Variants in PRDM1 observed in about 807,000 individuals in gnomAD.
PRDM1 encodes the protein PR domain zinc finger protein 1.
Under a neutral mutation model 62.8 loss-of-function variants are expected in PRDM1, and 13 were observed. The ratio of observed to expected loss-of-function variants is 0.21; its 90% CI spans 0.13 to 0.33. The LOEUF is 0.33. Ranked by LOEUF, PRDM1 falls within the 10% of genes least tolerant of loss-of-function variation. The pLI is 1.00. For missense variants in PRDM1, 895 were observed against 1,058.8 expected, an observed-to-expected ratio of 0.85 and a Z score of 2.15; for synonymous variants, 396 against 417.6, an observed-to-expected ratio of 0.95 and a Z score of 0.63.
chr6:106,004,692 G>A (rs1287753035), intron 1 of PRDM1, among the ~76,000 whole-genome samples: 1 of 151,940 alleles, frequency 6.6e-6, no homozygotes, highest in African/African-American at 2.4e-5. Flanking sequence ...TGGTGATAAC[G>A]GTATGTATGA....
chr6:106,105,832 G>A lies in PRDM1; in HGVS notation c.1672G>A (p.Gly558Ser), dbSNP rs753053806. The A allele has an allele frequency of 1.2e-6, 2 of 1,614,176 alleles. No homozygotes were observed. Among genetic ancestry groups the A allele is most frequent in the South Asian group, 1.1e-5 (1 of 91,086 alleles). Residue 558 changes from glycine to serine, a missense_variant, in exon 5 of 7, where the codon GGC becomes AGC. Coordinates refer to ENST00000369096, the MANE Select transcript of PRDM1 (RefSeq NM_001198.4). The stretch of plus-strand genomic sequence containing the variant: ...CATTAAAAACAAAAGAAACATGACC[G>A]GCTACAAGACCCTTCCCTACCCGCT... The part of the protein sequence containing the change: ...NLIKNKRNMT[G>S]YKTLPYPLKK...
chr6:106,077,768 T>G (rs1773626856), intron 1 of PRDM1, among the ~76,000 whole-genome samples: 1 of 152,266 alleles, frequency 6.6e-6, no homozygotes. Flanking sequence ...AAACCTTTTC[T>G]TTGTCTGGCA....
chr6:106,005,855 T>C (rs912806196), intron 1 of PRDM1, among the ~76,000 whole-genome samples: 9 of 152,190 alleles, frequency 5.9e-5, no homozygotes, highest in Non-Finnish European at 8.8e-5. Context: ...ATTTTAGTGT[T>C]AGAAATGAGA....
intron 1 of PRDM1, among the ~76,000 whole-genome samples, chr6:106,066,392 G>A (rs1773434246): frequency 6.6e-6 from 1 of 152,130 alleles, no homozygotes; most frequent in Non-Finnish European, 1.5e-5. Context: ...CCTCAAAGAC[G>A]ATTATCAGAT....
chr6:106,068,612 A>G (rs934168446), intron 1 of PRDM1, among the ~76,000 whole-genome samples: 21 of 152,194 alleles, frequency 1.4e-4, no homozygotes, highest in African/African-American at 5.1e-4. Flanking sequence ...ATCCACAGTC[A>G]TACATGGGAA....
intron 1 of PRDM1, among the ~76,000 whole-genome samples, chr6:106,079,198 C>T (rs895839332): frequency 6.6e-6 from 1 of 152,008 alleles, no homozygotes; most frequent in Admixed American, 6.5e-5. Context: ...CTCCTGACTT[C>T]AGGTGATCCA....
In PRDM1 at chr6:106,100,034, G is replaced by A. The variant is rs77813700; in HGVS notation, c.664+482G>A. On this transcript the variant is annotated intron_variant, in intron 4 of 6. Coordinates refer to ENST00000369096, the MANE Select transcript of PRDM1 (RefSeq NM_001198.4). Reference sequence around the variant, plus strand: ...TCATAATTTTTCAATATTATTCTAAGTGAATAACCGTAAAGATTTTACATC... The same window carrying A: ...TCATAATTTTTCAATATTATTCTAAATGAATAACCGTAAAGATTTTACATC... 1,449 of 154,664 alleles carry A rather than the reference G, an allele frequency of 9.4e-3. 18 individuals are homozygous for A. The highest frequency in any genetic ancestry group is 0.03 in the African/African-American group (1,251 of 41,568). 9.6% of individuals were successfully genotyped at this position (154,664 alleles called of 1,614,324 possible).
intron 1 of PRDM1, among the ~76,000 whole-genome samples, chr6:106,031,875 A>G (rs966298432): frequency 3.9e-5 from 6 of 152,026 alleles, no homozygotes; most frequent in Non-Finnish European, 8.8e-5. Flanking sequence ...TGAGAGTCTG[A>G]TCTTCTGATT....
intron 1 of PRDM1, among the ~76,000 whole-genome samples, chr6:106,039,158 G>T (rs1772960137): frequency 6.6e-6 from 1 of 152,118 alleles, no homozygotes; most frequent in Admixed American, 6.5e-5. Flanking sequence ...AACTTAGAAA[G>T]TTCAGAAACA....
intron 1 of PRDM1, among the ~76,000 whole-genome samples, chr6:106,008,975 A>G (rs1272242866): frequency 6.6e-6 from 1 of 152,180 alleles, no homozygotes; most frequent in African/African-American, 2.4e-5. Context: ...GGCCAGGTCC[A>G]TGGCCAGGCA....
chr6:106,000,924 A>G (rs1007747770), intron 1 of PRDM1, among the ~76,000 whole-genome samples: 2 of 152,228 alleles, frequency 1.3e-5, no homozygotes, highest in Non-Finnish European at 2.9e-5. Context: ...GTCACAGGAT[A>G]TGAATATTAT....
intron 1 of PRDM1, among the ~76,000 whole-genome samples, chr6:106,024,466 A>G (rs1772740381): frequency 6.6e-6 from 1 of 152,238 alleles, no homozygotes; most frequent in African/African-American, 2.4e-5. Flanking sequence ...GGTAACGATG[A>G]CAGATTGCAG....
chr6:106,103,865 G>A (rs1460454441), intron 4 of PRDM1, among the ~76,000 whole-genome samples: 2 of 152,172 alleles, frequency 1.3e-5, no homozygotes, highest in African/African-American at 2.4e-5. Context: ...TGACTGTCAC[G>A]CCTTGTGACT....
At chr6:106,058,920 G>T (rs1440537634) in intron 1 of PRDM1, among the ~76,000 whole-genome samples, 1 of 152,172 alleles carries the variant, frequency 6.6e-6, no homozygotes, top group African/African-American at 2.4e-5. Context: ...TCCTGTTCAA[G>T]AACTCATGGT....
At chr6:106,065,487 G>A (rs1018951727) in intron 1 of PRDM1, among the ~76,000 whole-genome samples, 1 of 152,148 alleles carries the variant, frequency 6.6e-6, no homozygotes, top group African/African-American at 2.4e-5. Context: ...AGTCTGGAAG[G>A]AGGAAAGTGT....
At chr6:106,103,399 G>A (rs188539861) in intron 4 of PRDM1, among the ~76,000 whole-genome samples, 61 of 152,180 alleles carry the variant, frequency 4.0e-4, no homozygotes, top group Non-Finnish European at 7.4e-4. Context: ...TTTTTTAGAC[G>A]ATGAAGGATA....
At chr6:106,048,816 G>A (rs1773121733) in intron 1 of PRDM1, among the ~76,000 whole-genome samples, 1 of 152,010 alleles carries the variant, frequency 6.6e-6, no homozygotes, top group Non-Finnish European at 1.5e-5. Context: ...TAAATGTGAA[G>A]TAAATGCCTT....
At chr6:106,073,589 T>C (rs1773555409) in intron 1 of PRDM1, among the ~76,000 whole-genome samples, 2 of 152,212 alleles carry the variant, frequency 1.3e-5, no homozygotes, top group Admixed American at 1.3e-4. Context: ...GCCTAGGTAA[T>C]GTGTGGCTAA....
intron 1 of PRDM1, among the ~76,000 whole-genome samples, chr6:106,068,245 C>G (rs530201336): frequency 6.6e-6 from 1 of 152,084 alleles, no homozygotes; most frequent in Admixed American, 6.5e-5. Flanking sequence ...GCGGATGCCA[C>G]GACGCCCAGC....
Sources: allele counts gnomAD v4.1 joint callset (sites outside exome capture counted in the v4.1 genomes callset), GRCh38; gene constraint gnomAD v4.1.1; transcripts MANE v1.5; gene names NCBI Gene and HGNC (gene_info 2026-07-23, HGNC 2026-07-21).